The following CLIP2 variants were observed in gnomAD, a reference collection of about 807,000 sequenced individuals.
CLIP2 encodes the protein CAP-Gly domain-containing linker protein 2.
CLIP2 carries 41 observed loss-of-function variants against 111.7 expected under a neutral mutation model. The observed-to-expected ratio is 0.37, with a 90% CI of 0.29 to 0.48. The LOEUF (loss-of-function observed/expected upper bound fraction) is 0.48, where lower values mean the gene tolerates loss of function less well. Among genes scored for constraint, CLIP2 ranks in the 20% least tolerant of loss-of-function variants. The pLI is 0.99. For synonymous variants in CLIP2, 660 were observed against 644.2 expected (o/e 1.02, Z -0.37); for missense variants, 1,160 against 1,422.1 (o/e 0.82, Z 2.96).
intron 8 of CLIP2, 101 bp downstream of exon 8, chr7:74,364,416 C>T (rs782319830): frequency 3.9e-5 from 40 of 1,022,010 alleles, no homozygotes; most frequent in African/African-American, 6.4e-5. Context: ...TAGGCCCCCC[C>T]GGGGAAGGGG....
chr7:74,327,980 T>C lies in CLIP2; in HGVS notation c.121+10313T>C, dbSNP rs574779005. On this transcript the variant is annotated intron_variant, in intron 2 of 16. Coordinates refer to ENST00000223398, the MANE Select transcript of CLIP2 (RefSeq NM_003388.5). ...GGGGCACAGAAGTGGGGTTTGGAGT[T>C]CCATTTGGTTCAGGAAGAATGCCCA... 8.1e-4 allele frequency among the ~76,000 whole-genome samples: 123 copies of C among 152,266 alleles called. 2 individuals are homozygous for C. Among genetic ancestry groups the C allele is most frequent in the African/African-American group, 2.8e-3 (116 of 41,552 alleles).
At position 74,397,663 on chromosome 7, in the gene CLIP2, TTTG is replaced by T. The variant is rs1200475346; in HGVS notation, c.2880+433_2880+435del. ...TGGGATTCTGGGTGGCTGAGTTTTTTTTGTTTTTTTTTTTTTTTTTTGAGACAG... is the reference window on the plus strand; with the variant it reads ...TGGGATTCTGGGTGGCTGAGTTTTTTTTTTTTTTTTTTTTTTTTGAGACAG... On this transcript the variant is annotated intron_variant, in intron 14 of 16. Coordinates refer to ENST00000223398, the MANE Select transcript of CLIP2 (RefSeq NM_003388.5). Among the ~76,000 whole-genome samples, 61 of 85,770 alleles carry T rather than the reference TTTG, an allele frequency of 7.1e-4. 11 individuals carry two copies. Among genetic ancestry groups the T allele is most frequent in the African/African-American group, 1.2e-3 (21 of 17,062 alleles). The allele number at this position is 85,770 out of a possible 152,430, so 56.3% of individuals were successfully genotyped here.
At chr7:74,322,044 C>G (rs1403931938) in intron 2 of CLIP2, among the ~76,000 whole-genome samples, 1 of 140,366 alleles carries the variant, frequency 7.1e-6, no homozygotes, top group African/African-American at 2.6e-5. Flanking sequence ...AGTGTAGTGG[C>G]ACGATCTCAC....
At position 74,321,953 on chromosome 7, in the gene CLIP2, CTTTTT is replaced by C. The variant is rs1788966845; in HGVS notation, c.121+4288_121+4292del. On this transcript the variant is annotated intron_variant, in intron 2 of 16. Transcript: ENST00000223398. ...AGACAGGTGTACCCTATTTTCTTTTCTTTTTTATTTTTATTATTTTATTTTATTTT... is the reference window on the plus strand; with the variant it reads ...AGACAGGTGTACCCTATTTTCTTTTCTATTTTTATTATTTTATTTTATTTT... 3.4e-5 allele frequency among the ~76,000 whole-genome samples: 5 copies of C among 145,882 alleles called. No individual in the cohort carries two copies. The Admixed American group carries it at 3.5e-4, about 10-fold the overall frequency.
At chr7:74,375,546 CAAAA>C (rs34885959) in intron 9 of CLIP2, among the ~76,000 whole-genome samples, 5 of 33,182 alleles carry the variant, frequency 1.5e-4, no homozygotes, top group Admixed American at 5.3e-4. Flanking sequence ...GAGCGAGACT[CAAAA>C]AAAAAAAAAA....
intron 3 of CLIP2, among the ~76,000 whole-genome samples, chr7:74,351,954 G>C (rs1554307663): frequency 6.6e-6 from 1 of 152,208 alleles, no homozygotes; most frequent in South Asian, 2.1e-4. Context: ...GAGGTGAAAT[G>C]GTTGACAGGA....
At chr7:74,360,304 G>C (rs1554309493) in intron 7 of CLIP2, 26 bp downstream of exon 7, 1 of 1,534,204 alleles carries the variant, frequency 6.5e-7, no homozygotes, top group East Asian at 2.4e-5. Flanking sequence ...CCCTCGCCCT[G>C]GCCCTGAGTC....
Position 74,376,437 on chromosome 7 carries a change from T to G in CLIP2, c.2036T>G (p.Val679Gly). The change falls in exon 10 of 17, where the codon GTG becomes GGG. Residue 679 changes from valine (V) to glycine (G), a missense_variant. Around this residue, in one of 5 missense-constraint regions of CLIP2, gnomAD observed 676 missense variants for 777.8 expected, o/e 0.87. Coordinates refer to ENST00000223398, the MANE Select transcript of CLIP2 (RefSeq NM_003388.5). This position sits in a 1 kb window ranked among gnomAD's most constrained non-coding sequence, Gnocchi z 7.1. ...AKHDLETAMH[V>G]KEKEALREKL... is the part of the protein sequence containing the mutation. ...CATGACCTGGAGACCGCCATGCACG[T>G]GAAGGAGAAGGAGGCCCTGCGAGAG... 6.2e-7 allele frequency: 1 copy of G among 1,613,760 alleles called. No individual in the cohort carries two copies.
chr7:74,358,211 A>C (rs1790204768), intron 6 of CLIP2, among the ~76,000 whole-genome samples: 1 of 151,334 alleles, frequency 6.6e-6, no homozygotes, highest in South Asian at 2.1e-4. Flanking sequence ...CTACCAAACC[A>C]GGCTAATTTT....
chr7:74,388,206 C>T (rs1229677504), intron 12 of CLIP2, among the ~76,000 whole-genome samples: 1 of 152,066 alleles, frequency 6.6e-6, no homozygotes, highest in African/African-American at 2.4e-5. Context: ...GTAGCGTGCA[C>T]CTGTAGTCCC....
rs1298544788 is a variant in CLIP2, at chr7:74,353,841, C to T, written c.679-39C>T. ...GCCCCTGCCATCTCTGCCTGTGCCA[C>T]TGCATCCTCTAGACCTGAGTCTCCC... On this transcript the variant is annotated intron_variant, in intron 3 of 16. Transcript: ENST00000223398. The T allele has an allele frequency of 6.8e-6, 11 of 1,613,812 alleles. No individual in the cohort carries two copies. The Admixed American group carries it at 1.5e-4, about 22-fold the overall frequency.
At chr7:74,341,339 C>T (rs1172911174) in intron 3 of CLIP2, among the ~76,000 whole-genome samples, 1 of 151,948 alleles carries the variant, frequency 6.6e-6, no homozygotes, top group Non-Finnish European at 1.5e-5. Context: ...AGGCACGCAC[C>T]ATCACGCCCT....
intron 15 of CLIP2, 33 bp downstream of exon 15, chr7:74,400,588 C>T: frequency 6.6e-7 from 1 of 1,506,924 alleles, no homozygotes; most frequent in South Asian, 1.3e-5. Context: ...CACCAGGAGG[C>T]AAGCCACGGG....
intron 14 of CLIP2, among the ~76,000 whole-genome samples, chr7:74,399,553 G>C (rs113778748): frequency 0.028 from 3,270 of 117,470 alleles, 292 homozygotes; most frequent in Non-Finnish European, 0.039. Flanking sequence ...GGGGGGGGGG[G>C]GGTGGGGACC....
chr7:74,304,110 C>T (rs1243135237), intron 1 of CLIP2, among the ~76,000 whole-genome samples: 1 of 151,886 alleles, frequency 6.6e-6, no homozygotes, highest in Non-Finnish European at 1.5e-5. Flanking sequence ...GGTGAGGTCT[C>T]ACTGTGTTGT....
chr7:74,305,550 A>G lies in CLIP2; in HGVS notation c.-67-11930A>G, dbSNP rs550036225. Among the ~76,000 whole-genome samples the G allele has an allele frequency of 5.9e-5, 9 of 152,158 alleles. No homozygotes were observed. The East Asian group carries it at 1.4e-3, about 23-fold the overall frequency. ...ACTTTGTCGCCCAGGCTGGAGTGCA[A>G]TGGCACCATCTCAGCTCACTGCAAT... is the stretch of plus-strand genomic sequence containing the variant. On this transcript the variant is annotated intron_variant, in intron 1 of 16. Coordinates refer to ENST00000223398, the MANE Select transcript of CLIP2 (RefSeq NM_003388.5).
intron 16 of CLIP2, among the ~76,000 whole-genome samples, chr7:74,402,343 A>C (rs1172230868): frequency 7.7e-4 from 110 of 143,542 alleles, no homozygotes; most frequent in African/African-American, 2.3e-3. Flanking sequence ...AAAAAAAAAA[A>C]CCAAAAAAAA....
intron 1 of CLIP2, among the ~76,000 whole-genome samples, chr7:74,297,525 C>A (rs1190295009): frequency 6.6e-6 from 1 of 152,086 alleles, no homozygotes; most frequent in Non-Finnish European, 1.5e-5. Flanking sequence ...AGGGCCCCCC[C>A]TTTGAGAGGA....
In CLIP2 at chr7:74,309,002, G is replaced by A. The variant is rs947906120; in HGVS notation, c.-67-8478G>A. On this transcript the variant is annotated intron_variant, in intron 1 of 16. Transcript: ENST00000223398. ...CTCACCTTAGCCTCCCCAGTAGCTC[G>A]GACTACAGGCATGCACCACCACACC... Among the ~76,000 whole-genome samples the A allele has an allele frequency of 2.6e-5, 4 of 152,048 alleles. 1 individual carries two copies. The highest frequency in any genetic ancestry group is 2.0e-4 in the Admixed American group (3 of 15,260).
Sources: allele counts gnomAD v4.1 joint callset (sites outside exome capture counted in the v4.1 genomes callset), GRCh38; gene constraint gnomAD v4.1.1; regional missense constraint gnomAD v4.1.1; non-coding constraint Gnocchi (gnomAD v3.1); transcripts MANE v1.5; gene names NCBI Gene and HGNC (gene_info 2026-07-23, HGNC 2026-07-21).